Variants in DPY19L3 observed in about 807,000 individuals in gnomAD.
DPY19L3 encodes dpy-19 like C-mannosyltransferase 3.
DPY19L3 carries 51 observed loss-of-function variants against 92.3 expected under a neutral mutation model. The observed-to-expected ratio is 0.55, with a 90% CI of 0.44 to 0.70. DPY19L3 has a LOEUF of 0.70. Among genes scored for constraint, DPY19L3 ranks in the 30% least tolerant of loss-of-function variants. DPY19L3 has a pLI of 0.00. For missense variants in DPY19L3, 706 were observed against 855.9 expected (o/e 0.82, Z 2.18); for synonymous variants, 309 against 315.2 (o/e 0.98, Z 0.21).
intron 16 of DPY19L3, among the ~76,000 whole-genome samples, chr19:32,476,670 G>A (rs1970521794): frequency 6.6e-6 from 1 of 152,012 alleles, no homozygotes. Context: ...CACACCCCTG[G>A]AAGACAGAAA....
At chr19:32,476,471 C>G (rs988684349) in intron 16 of DPY19L3, among the ~76,000 whole-genome samples, 1 of 140,412 alleles carries the variant, frequency 7.1e-6, no homozygotes, top group African/African-American at 2.7e-5. Flanking sequence ...GAAGAGAGCT[C>G]TTAGGGCCTC....
intron 1 of DPY19L3, among the ~76,000 whole-genome samples, chr19:32,406,754 G>T (rs1411269528): frequency 6.6e-6 from 1 of 152,104 alleles, no homozygotes; most frequent in Non-Finnish European, 1.5e-5. Flanking sequence ...TTAGTTCATG[G>T]GACTGTTGCA....
chr19:32,480,892 A>ATGAT, intron 18 of DPY19L3: 2 of 451,246 alleles, frequency 4.4e-6, no homozygotes, highest in Non-Finnish European at 7.8e-6. Context: ...TCAGCCTTTA[A>ATGAT]ACCCACTGCT....
intron 3 of DPY19L3, among the ~76,000 whole-genome samples, chr19:32,421,765 G>A (rs1199903425): frequency 6.6e-6 from 1 of 152,128 alleles, no homozygotes; most frequent in Non-Finnish European, 1.5e-5. Flanking sequence ...CCATGGGATG[G>A]GTGTGCAGGC....
At chr19:32,414,201 A>G (rs573543105) in intron 3 of DPY19L3, among the ~76,000 whole-genome samples, 145 of 152,176 alleles carry the variant, frequency 9.5e-4, no homozygotes, top group African/African-American at 3.4e-3. Flanking sequence ...CGGGCGGATC[A>G]CGAGGTTAGG....
intron 15 of DPY19L3, chr19:32,467,773 A>G: frequency 5.1e-6 from 5 of 982,566 alleles, no homozygotes; most frequent in Non-Finnish European, 4.8e-6. Flanking sequence ...AGATATGATC[A>G]AGTCTTTTTA....
At chr19:32,475,392 T>C (rs986310700) in intron 16 of DPY19L3, among the ~76,000 whole-genome samples, 1 of 152,184 alleles carries the variant, frequency 6.6e-6, no homozygotes, top group African/African-American at 2.4e-5. Flanking sequence ...GAAACCAGAC[T>C]CATCATGTTC....
At chr19:32,426,895 A>G (rs1418009807) in intron 3 of DPY19L3, among the ~76,000 whole-genome samples, 2 of 152,242 alleles carry the variant, frequency 1.3e-5, no homozygotes, top group Non-Finnish European at 2.9e-5. Flanking sequence ...GTAAAAATGC[A>G]TTATCTGCAA....
chr19:32,445,227 G>A (rs1282699954), intron 8 of DPY19L3, among the ~76,000 whole-genome samples: 1 of 151,532 alleles, frequency 6.6e-6, no homozygotes. Flanking sequence ...GGATCATGGG[G>A]TCAGGAGATA....
At chr19:32,440,567 TCA>T (rs1316228675) in intron 8 of DPY19L3, among the ~76,000 whole-genome samples, 1 of 152,220 alleles carries the variant, frequency 6.6e-6, no homozygotes, top group Non-Finnish European at 1.5e-5. Context: ...GGATTTGTGC[TCA>T]TTTATTCCAT....
intron 17 of DPY19L3, among the ~76,000 whole-genome samples, chr19:32,478,696 T>C (rs2030527354): frequency 6.6e-6 from 1 of 152,262 alleles, no homozygotes; most frequent in Admixed American, 6.5e-5. Flanking sequence ...TTAATGTGTT[T>C]TGGAAAACAT....
intron 3 of DPY19L3, among the ~76,000 whole-genome samples, chr19:32,422,075 G>A (rs1458025721): frequency 6.6e-6 from 1 of 152,164 alleles, no homozygotes; most frequent in African/African-American, 2.4e-5. Context: ...AGTAGCTTGT[G>A]TAGTAAGAAC....
chr19:32,481,955 T>C, intron 18 of DPY19L3, 124 bp from the exon 19 acceptor site: 2 of 1,134,120 alleles, frequency 1.8e-6, no homozygotes, highest in Non-Finnish European at 2.5e-6. Flanking sequence ...CCATGGACAT[T>C]GAAATAATAT....
chr19:32,427,928 G>A (rs1968819814), intron 3 of DPY19L3: 1 of 149,984 alleles, frequency 6.7e-6, no homozygotes, highest in East Asian at 2.0e-4. Flanking sequence ...CCCACTACTA[G>A]CAGTCTAATT....
At chr19:32,428,220 C>T (rs1334520913) in intron 3 of DPY19L3, among the ~76,000 whole-genome samples, 2 of 152,178 alleles carry the variant, frequency 1.3e-5, no homozygotes, top group Non-Finnish European at 2.9e-5. Flanking sequence ...GATCTGCCCA[C>T]CTCGGCTTCC....
intron 8 of DPY19L3, among the ~76,000 whole-genome samples, chr19:32,451,964 A>C (rs1427444739): frequency 6.6e-6 from 1 of 152,130 alleles, no homozygotes; most frequent in South Asian, 2.1e-4. Flanking sequence ...CCTCCTGAGT[A>C]GCTGGGACTA....
In DPY19L3 at chr19:32,437,284, C is replaced by T; in HGVS notation, c.541C>T (p.Leu181Phe). 6.2e-7 allele frequency: 1 copy of T among 1,614,130 alleles called. No individual in the cohort carries two copies. Among genetic ancestry groups the T allele is most frequent in the Non-Finnish European group, 8.5e-7 (1 of 1,180,008 alleles). The change falls in exon 6 of 19, where the codon CTC becomes TTC. Residue 181 changes from leucine to phenylalanine, a missense_variant. Leu to Phe is a conservative substitution (Grantham distance 22). Transcript: ENST00000392250. ...VTALYITSWLLSGTWLSGLLA... is the reference protein window; with the variant it reads ...VTALYITSWLFSGTWLSGLLA... The stretch of plus-strand genomic sequence containing the variant: ...AGCTCTCTACATAACCAGCTGGCTA[C>T]TCAGTGGTACATGGCTGTCAGGACT...
At chr19:32,433,656 C>A (rs1452248534) in intron 4 of DPY19L3, among the ~76,000 whole-genome samples, 1 of 152,174 alleles carries the variant, frequency 6.6e-6, no homozygotes, top group Non-Finnish European at 1.5e-5. Flanking sequence ...CTCCTGAGCT[C>A]AAGTGATCCT....
At chr19:32,468,901 G>A in intron 16 of DPY19L3, 88 bp downstream of exon 16, 1 of 1,303,472 alleles carries the variant, frequency 7.7e-7, no homozygotes, top group East Asian at 2.5e-5. Flanking sequence ...TTTTTTGTTT[G>A]TTTCTGAATC....
Sources: gnomAD v4.1 joint callset for allele counts (sites outside exome capture counted in the v4.1 genomes callset) on GRCh38, gnomAD v4.1.1 for gene constraint, MANE v1.5 for transcripts, NCBI Gene and HGNC (gene_info 2026-07-23, HGNC 2026-07-21) for gene names.